The following MAST4 variants were observed in gnomAD, a reference collection of about 807,000 sequenced individuals.
The protein encoded by MAST4 is microtubule associated serine/threonine kinase family member 4.
A neutral mutation model predicts 162.7 loss-of-function variants in MAST4; 89 were observed. The observed-to-expected ratio is 0.55, with a 90% CI of 0.46 to 0.65. The LOEUF is 0.65. Ranked by LOEUF, MAST4 falls within the 30% of genes least tolerant of loss-of-function variation. The pLI is 0.00. For synonymous variants in MAST4, 1,479 were observed against 1,361.1 expected (o/e 1.09, Z -1.91); for missense variants, 3,153 against 3,374.0 (o/e 0.93, Z 1.62).
chr5:66,858,289 G>A (rs933407741), intron 3 of MAST4, among the ~76,000 whole-genome samples: 11 of 152,112 alleles, frequency 7.2e-5, no homozygotes, highest in African/African-American at 2.7e-4. Flanking sequence ...ACAGGTGTGA[G>A]CTACCACACC....
At position 67,144,764 on chromosome 5, in the gene MAST4, A is replaced by C; in HGVS notation, c.2826A>C (p.Glu942Asp). 6.2e-7 allele frequency: 1 copy of C among 1,613,230 alleles called. No individual in the cohort carries two copies. Among genetic ancestry groups the C allele is most frequent in the South Asian group, 1.1e-5 (1 of 90,958 alleles). Residue 942 changes from glutamate to aspartate, a missense_variant, in exon 22 of 29, where the codon GAA becomes GAC. Glu to Asp is a conservative substitution (Grantham distance 45). This residue lies in a region of MAST4 where 619 missense variants were observed against 744.2 expected (regional missense o/e 0.83). Coordinates refer to ENST00000403625, the MANE Select transcript of MAST4 (RefSeq NM_001164664.2). The part of the protein sequence containing the change: ...KTKSTTLPST[E>D]TLSWSSEYSE... Reference sequence around the variant, plus strand: ...AAAGCACCACCTTGCCATCCACAGAAACACTGAGCTGGAGTTCAGAATATT... The same window carrying C: ...AAAGCACCACCTTGCCATCCACAGACACACTGAGCTGGAGTTCAGAATATT...
rs149486241 is a variant in MAST4 at position 66,851,658 on chromosome 5, T to C, written c.643-48293T>C. ...TGCTATGTATCTAAATCCCTTTTTA[T>C]TTTTATTAACACCACATATCAGTGG... On this transcript the variant is annotated intron_variant, in intron 3 of 28. Coordinates refer to ENST00000403625, the MANE Select transcript of MAST4 (RefSeq NM_001164664.2). Among the ~76,000 whole-genome samples the C allele has an allele frequency of 2.0e-5, 3 of 152,344 alleles. No individual in the cohort carries two copies. The East Asian group carries it at 5.8e-4, about 29-fold the overall frequency.
chr5:67,028,048 A>C (rs1285096175), intron 4 of MAST4, among the ~76,000 whole-genome samples: 2 of 152,158 alleles, frequency 1.3e-5, no homozygotes, highest in African/African-American at 4.8e-5. Flanking sequence ...TTGGGTGTAG[A>C]GACAGGAAAA....
chr5:67,065,552 T>C (rs1760133163), intron 5 of MAST4, among the ~76,000 whole-genome samples: 1 of 152,160 alleles, frequency 6.6e-6, no homozygotes, highest in Non-Finnish European at 1.5e-5. Context: ...CTGTCTTCAT[T>C]AAGTGCCCAG....
At chr5:66,638,856 A>T (rs1745296345) in intron 1 of MAST4, among the ~76,000 whole-genome samples, 2 of 152,154 alleles carry the variant, frequency 1.3e-5, no homozygotes, top group Admixed American at 1.3e-4. Flanking sequence ...TTCAAGGATG[A>T]TGCTTGGGTT....
chr5:66,841,235 T>C, intron 3 of MAST4, among the ~76,000 whole-genome samples: 1 of 152,182 alleles, frequency 6.6e-6, no homozygotes, highest in Non-Finnish European at 1.5e-5. Flanking sequence ...CTGAGCCTCC[T>C]CTTCTCCTTC....
chr5:66,896,246 G>C (rs1375762050), intron 3 of MAST4, among the ~76,000 whole-genome samples: 1 of 152,000 alleles, frequency 6.6e-6, no homozygotes, highest in African/African-American at 2.4e-5. Flanking sequence ...GCTTTTTCAC[G>C]ATTAGACTGG....
At chr5:67,057,251 G>A (rs530737165) in intron 5 of MAST4, among the ~76,000 whole-genome samples, 5 of 152,096 alleles carry the variant, frequency 3.3e-5, no homozygotes, top group Admixed American at 2.6e-4. Context: ...TCTATCCTGC[G>A]TTGGACAAAG....
intron 4 of MAST4, among the ~76,000 whole-genome samples, chr5:66,940,886 T>A (rs879292704): frequency 2.0e-5 from 3 of 152,180 alleles, no homozygotes; most frequent in African/African-American, 4.8e-5. Context: ...GAATTACTCC[T>A]TAATCCATGG....
chr5:66,938,409 T>G (rs1345496168), intron 4 of MAST4, among the ~76,000 whole-genome samples: 1 of 152,172 alleles, frequency 6.6e-6, no homozygotes, highest in Non-Finnish European at 1.5e-5. Context: ...AAAGAGAAAA[T>G]GGCTTCAAGA....
chr5:67,102,725 A>G (rs1765163424), intron 9 of MAST4, 114 bp downstream of exon 9: 5 of 786,372 alleles, frequency 6.4e-6, no homozygotes, highest in Non-Finnish European at 8.8e-6. Context: ...AATGATTTGC[A>G]TAAAACAGCT....
intron 1 of MAST4, among the ~76,000 whole-genome samples, chr5:66,747,602 T>C (rs1467201027): frequency 6.6e-6 from 1 of 152,230 alleles, no homozygotes; most frequent in Non-Finnish European, 1.5e-5. Context: ...CTATCTGTGC[T>C]CTTCCTCTGT....
intron 2 of MAST4, among the ~76,000 whole-genome samples, chr5:66,774,448 G>C (rs1449592084): frequency 6.6e-6 from 1 of 152,166 alleles, no homozygotes; most frequent in South Asian, 2.1e-4. Flanking sequence ...TGTATAAACT[G>C]ATCATGAAGC....
intron 4 of MAST4, chr5:66,986,444 C>T: frequency 1.3e-6 from 2 of 1,562,782 alleles, no homozygotes; most frequent in Non-Finnish European, 1.7e-6. Context: ...TTATTTTTAG[C>T]CCTGTGTGTC....
intron 4 of MAST4, among the ~76,000 whole-genome samples, chr5:67,030,646 G>T (rs546185119): frequency 6.6e-6 from 1 of 152,088 alleles, no homozygotes; most frequent in South Asian, 2.1e-4. Context: ...CTTCCATTCT[G>T]TTGTGTAGTT....
chr5:66,890,976 A>G (rs893607193), intron 3 of MAST4, among the ~76,000 whole-genome samples: 7 of 152,240 alleles, frequency 4.6e-5, no homozygotes, highest in South Asian at 2.1e-4. Flanking sequence ...AAAGAAAGAC[A>G]GTTCCCACTA....
At chr5:66,925,810 T>G (rs1190482311) in intron 4 of MAST4, among the ~76,000 whole-genome samples, 1 of 152,204 alleles carries the variant, frequency 6.6e-6, no homozygotes, top group East Asian at 1.9e-4. Flanking sequence ...TCTCATTGAC[T>G]AACCCTATAA....
At chr5:67,031,396 A>T (rs1444191118) in intron 4 of MAST4, among the ~76,000 whole-genome samples, 1 of 152,176 alleles carries the variant, frequency 6.6e-6, no homozygotes, top group African/African-American at 2.4e-5. Flanking sequence ...GGCTTGGATC[A>T]TTCATGCAGT....
chr5:67,018,765 G>T (rs1164341711), intron 4 of MAST4, among the ~76,000 whole-genome samples: 1 of 152,102 alleles, frequency 6.6e-6, no homozygotes, highest in African/African-American at 2.4e-5. Flanking sequence ...AAGAAAATAT[G>T]TATTTTACAA....
Sources: allele counts gnomAD v4.1 joint callset (sites outside exome capture counted in the v4.1 genomes callset), GRCh38; gene constraint gnomAD v4.1.1; regional missense constraint gnomAD v4.1.1; transcripts MANE v1.5; gene names NCBI Gene and HGNC (gene_info 2026-07-23, HGNC 2026-07-21).